The following NIBAN1 variants were observed in gnomAD, a reference collection of about 807,000 sequenced individuals.
NIBAN1 encodes protein Niban 1.
In NIBAN1, 81 loss-of-function variants were observed where a neutral mutation model predicts 75.1. The observed-to-expected ratio is 1.08, with a 90% CI of 0.90 to 1.30. The LOEUF (loss-of-function observed/expected upper bound fraction) is 1.30, where lower values mean the gene tolerates loss of function less well. NIBAN1 is among the 50% of genes most tolerant of loss of function. NIBAN1 has a pLI of 0.00. For synonymous variants in NIBAN1, 436 were observed against 424.8 expected (o/e 1.03, Z -0.32); for missense variants, 1,133 against 1,128.1 (o/e 1.00, Z -0.06).
At chr1:184,917,195 T>C (rs1183097529) in intron 1 of NIBAN1, among the ~76,000 whole-genome samples, 1 of 137,868 alleles carries the variant, frequency 7.3e-6, no homozygotes, top group Non-Finnish European at 1.6e-5. Flanking sequence ...CATGACTATC[T>C]CTTCCACTTT....
chr1:184,866,979 T>C (rs1655973550), intron 5 of NIBAN1, among the ~76,000 whole-genome samples: 1 of 152,190 alleles, frequency 6.6e-6, no homozygotes, highest in South Asian at 2.1e-4. Flanking sequence ...TGTTATTCAT[T>C]TATGAGCACA....
chr1:184,934,405 A>T (rs1468520598), intron 1 of NIBAN1, among the ~76,000 whole-genome samples: 1 of 152,226 alleles, frequency 6.6e-6, no homozygotes, highest in Non-Finnish European at 1.5e-5. Flanking sequence ...ATTGTACCCC[A>T]AATCTCAGTA....
intron 9 of NIBAN1, among the ~76,000 whole-genome samples, chr1:184,814,450 A>T (rs1389973323): frequency 1.3e-5 from 2 of 152,230 alleles, no homozygotes; most frequent in African/African-American, 4.8e-5. Context: ...TAATATTAAA[A>T]GATAATGAAA....
At chr1:184,927,458 T>C (rs1170324486) in intron 1 of NIBAN1, among the ~76,000 whole-genome samples, 1 of 152,160 alleles carries the variant, frequency 6.6e-6, no homozygotes, top group African/African-American at 2.4e-5. Context: ...TTTCCTGGAT[T>C]ACCAGGCAGA....
chr1:184,836,613 G>A (rs1180579002), intron 5 of NIBAN1, among the ~76,000 whole-genome samples: 1 of 152,172 alleles, frequency 6.6e-6, no homozygotes, highest in Non-Finnish European at 1.5e-5. Context: ...GGAACCAGAA[G>A]GAGAGCTCCA....
chr1:184,927,801 G>C (rs1164642504), intron 1 of NIBAN1, among the ~76,000 whole-genome samples: 3 of 151,994 alleles, frequency 2.0e-5, no homozygotes, highest in South Asian at 2.1e-4. Context: ...CCAGGACCTA[G>C]AGTCAGAAAC....
At chr1:184,839,254 A>G (rs1045026901) in intron 5 of NIBAN1, among the ~76,000 whole-genome samples, 6 of 152,140 alleles carry the variant, frequency 3.9e-5, no homozygotes, top group African/African-American at 1.4e-4. Context: ...ACTTACCTCT[A>G]AAGTCCTGTT....
intron 5 of NIBAN1, among the ~76,000 whole-genome samples, chr1:184,884,192 C>A (rs188892071): frequency 1.1e-3 from 172 of 151,622 alleles, no homozygotes; most frequent in Middle Eastern, 3.4e-3. Flanking sequence ...CCTCTTCTTC[C>A]CTGGGCAGCA....
rs74369281 is a variant in NIBAN1, at chr1:184,821,793, T to C, written c.985+1374A>G. ...CTAATGGAGGAATAAGAGACACAGATAGTAGAAAACATCAAATACTCTGAG... is the reference window on the plus strand; with the variant it reads ...CTAATGGAGGAATAAGAGACACAGACAGTAGAAAACATCAAATACTCTGAG... On this transcript the variant is annotated intron_variant, in intron 8 of 13. Transcript: ENST00000367511. Among the ~76,000 whole-genome samples the C allele has an allele frequency of 3.0e-3, 453 of 152,280 alleles. 5 individuals are homozygous for C. The East Asian group carries it at 0.039, about 13-fold the overall frequency.
rs189730849 is a variant in NIBAN1, at chr1:184,834,043, G to T, written c.602-2081C>A. Among the ~76,000 whole-genome samples the T allele has an allele frequency of 5.3e-3, 733 of 138,072 alleles. 2 individuals are homozygous for T. The highest frequency in any genetic ancestry group is 7.4e-3 in the Non-Finnish European group (480 of 64,556). 90.6% of individuals were successfully genotyped at this position (138,072 alleles called of 152,430 possible). A position where few individuals can be genotyped will look rare whatever the true frequency, so the allele number is the denominator to read the frequency against. On this transcript the variant is annotated intron_variant, in intron 5 of 13. Transcript: ENST00000367511. ...CCCACAACAGGCCCCAGTGTGTGAT[G>T]TTCCCCACCCTGTGTGCAAGTGTTC...
intron 5 of NIBAN1, among the ~76,000 whole-genome samples, chr1:184,884,389 A>G (rs537947187): frequency 4.0e-5 from 6 of 151,698 alleles, no homozygotes; most frequent in African/African-American, 1.5e-4. Context: ...ACGTCCAGCT[A>G]TATTTTTTTG....
intron 8 of NIBAN1, among the ~76,000 whole-genome samples, chr1:184,822,459 T>A (rs1009916480): frequency 7.2e-5 from 11 of 152,224 alleles, no homozygotes; most frequent in African/African-American, 2.7e-4. Context: ...CATAAATGAA[T>A]GTGCCTGGCT....
chr1:184,840,933 T>G (rs1006876175), intron 5 of NIBAN1, among the ~76,000 whole-genome samples: 18 of 149,566 alleles, frequency 1.2e-4, no homozygotes, highest in African/African-American at 4.5e-4. Context: ...TAAAACATGT[T>G]CAATTACTTA....
chr1:184,960,896 C>A (rs950530121), intron 1 of NIBAN1, among the ~76,000 whole-genome samples: 2 of 151,972 alleles, frequency 1.3e-5, no homozygotes, highest in Non-Finnish European at 2.9e-5. Context: ...TCCCAAAGTG[C>A]TGGGATTACA....
chr1:184,904,674 G>T (rs994344369), intron 1 of NIBAN1, among the ~76,000 whole-genome samples: 11 of 152,144 alleles, frequency 7.2e-5, no homozygotes, highest in Non-Finnish European at 1.6e-4. Context: ...AGTCTCTTGG[G>T]CTGGGCGCAG....
chr1:184,923,124 C>T (rs1159030810), intron 1 of NIBAN1, among the ~76,000 whole-genome samples: 1 of 152,162 alleles, frequency 6.6e-6, no homozygotes, highest in African/African-American at 2.4e-5. Flanking sequence ...GGACATTACT[C>T]AAGAAACCTT....
At chr1:184,854,559 T>A (rs1655626474) in intron 5 of NIBAN1, among the ~76,000 whole-genome samples, 1 of 152,220 alleles carries the variant, frequency 6.6e-6, no homozygotes, top group Admixed American at 6.5e-5. Flanking sequence ...CAATGAGGAA[T>A]CCTTGTGGCT....
chr1:184,882,963 T>G (rs567190097), intron 5 of NIBAN1, among the ~76,000 whole-genome samples: 1 of 152,296 alleles, frequency 6.6e-6, no homozygotes, highest in Admixed American at 6.5e-5. Context: ...CTAGTTATGA[T>G]CCAGTATGAT....
intron 1 of NIBAN1, among the ~76,000 whole-genome samples, chr1:184,933,626 G>C (rs913347795): frequency 6.6e-6 from 1 of 152,202 alleles, no homozygotes; most frequent in Non-Finnish European, 1.5e-5. Context: ...CATGGCAAAT[G>C]CCTTGTTAGG....
Sources: allele counts gnomAD v4.1 joint callset (sites outside exome capture counted in the v4.1 genomes callset), GRCh38; gene constraint gnomAD v4.1.1; transcripts MANE v1.5; gene names NCBI Gene and HGNC (gene_info 2026-07-23, HGNC 2026-07-21).